GATAD2B: variants seen among roughly 807,000 people sequenced by gnomAD.
GATAD2B encodes the protein transcriptional repressor p66-beta.
GATAD2B carries 8 observed loss-of-function variants against 64.3 expected under a neutral mutation model. That is an observed-to-expected ratio of 0.12 (90% CI 0.07 to 0.22). The LOEUF is 0.22. Among genes scored for constraint, GATAD2B ranks in the 10% least tolerant of loss-of-function variants. The pLI, the probability that GATAD2B is intolerant of heterozygous loss-of-function variation, is 1.00. For synonymous variants in GATAD2B, 281 were observed against 271.3 expected, an observed-to-expected ratio of 1.04 and a Z score of -0.35; for missense variants, 453 against 752.0, an observed-to-expected ratio of 0.60 and a Z score of 4.65.
At chr1:153,886,870 G>C (rs745450190) in intron 1 of GATAD2B, among the ~76,000 whole-genome samples, 2 of 151,864 alleles carry the variant, frequency 1.3e-5, no homozygotes, top group African/African-American at 2.4e-5. Flanking sequence ...AAAAATAGCT[G>C]TTTTTTTAAA....
chr1:153,820,132 T>G (rs1036526771), intron 2 of GATAD2B, among the ~76,000 whole-genome samples: 2 of 150,944 alleles, frequency 1.3e-5, no homozygotes, highest in Non-Finnish European at 2.9e-5. Context: ...GTCTATCCTG[T>G]CAAGAGTAGG....
chr1:153,859,735 TC>T (rs1448630022), intron 1 of GATAD2B, among the ~76,000 whole-genome samples: 2 of 151,722 alleles, frequency 1.3e-5, no homozygotes, highest in Non-Finnish European at 2.9e-5. Context: ...TAATAATATG[TC>T]CTAGTTTGTA....
intron 1 of GATAD2B, among the ~76,000 whole-genome samples, chr1:153,861,793 A>AAAAAAAAAAAAAAAAAAAAAAT (rs1676295078): frequency 1.2e-5 from 1 of 81,864 alleles, no homozygotes; most frequent in African/African-American, 4.0e-5. Flanking sequence ...AAAAAAAAAA[A>AAAAAAAAAAAAAAAAAAAAAAT]AAATATATAT....
chr1:153,854,618 T>C (rs1676017820), intron 1 of GATAD2B, among the ~76,000 whole-genome samples: 2 of 152,218 alleles, frequency 1.3e-5, no homozygotes, highest in Admixed American at 1.3e-4. Context: ...AGTTGTTACA[T>C]TTCATCCAGC....
rs1052312271 is a variant in GATAD2B at position 153,808,409 on chromosome 1, C to G, written c.*1768G>C. On this transcript the variant is annotated 3_prime_UTR_variant, in exon 11 of 11. Transcript: ENST00000368655. ...GCCTGATTTTAGCTCTTTCTCCCAC[C>G]CCACCTCCAAATTTTATGGGGAAGG... The G allele has an allele frequency of 6.6e-5, 10 of 152,558 alleles. No homozygotes were observed. The highest frequency in any genetic ancestry group is 2.4e-4 in the African/African-American group (10 of 41,412). 9.5% of individuals were successfully genotyped at this position (152,558 alleles called of 1,614,324 possible).
At chr1:153,831,265 CGTA>C (rs1318527468) in intron 1 of GATAD2B, among the ~76,000 whole-genome samples, 1 of 152,080 alleles carries the variant, frequency 6.6e-6, no homozygotes, top group African/African-American at 2.4e-5. Context: ...TGTTTTCACT[CGTA>C]AGTGGGAGTT....
In GATAD2B at chr1:153,819,729, T is replaced by C. The variant is rs759165546; in HGVS notation, c.342A>G (p.Pro114=). 1 of 1,599,180 alleles carries C rather than the reference T, an allele frequency of 6.3e-7. No individual in the cohort carries two copies. Among genetic ancestry groups the C allele is most frequent in the East Asian group, 2.3e-5 (1 of 44,428 alleles). ...GTGAGGGAGTTAGCCTTCCTCGCTC[T>C]GGCTCACTAGACAAGAAAGGGAAAA... ...PVDMSARRSE[P]ERGRLTPSPD... Residue 114 remains proline (P), a synonymous_variant, in exon 3 of 11, where the codon CCA becomes CCG. Coordinates refer to ENST00000368655, the MANE Select transcript of GATAD2B (RefSeq NM_020699.4).
At chr1:153,846,557 CTTT>C (rs887230575) in intron 1 of GATAD2B, among the ~76,000 whole-genome samples, 4 of 113,876 alleles carry the variant, frequency 3.5e-5, no homozygotes, top group Non-Finnish European at 3.5e-5. Context: ...TCTTTGCGTT[CTTT>C]TTTTTTTTTT....
chr1:153,900,613 T>G (rs1185234811), intron 1 of GATAD2B, among the ~76,000 whole-genome samples: 1 of 152,098 alleles, frequency 6.6e-6, no homozygotes, highest in Non-Finnish European at 1.5e-5. Flanking sequence ...CCTCTTGGGT[T>G]CAATCAACCC....
rs1674356139 is a variant in GATAD2B at position 153,813,355 on chromosome 1, C to T, written c.1314G>A (p.Lys438=). Residue 438 remains lysine (K), a synonymous_variant, in exon 8 of 11, where the codon AAG becomes AAA. Transcript: ENST00000368655. ...AGGTCATACACTGCTCACATAGAAT[C>T]TTACCATTCTTTTCTTGCTTCCAGT... The part of the protein sequence containing the change: ...TPHWKQEKNG[K]ILCEQCMTSN... The T allele has an allele frequency of 1.9e-6, 3 of 1,613,926 alleles. No individual in the cohort carries two copies. Among genetic ancestry groups the T allele is most frequent in the Non-Finnish European group, 2.5e-6 (3 of 1,179,810 alleles).
intron 1 of GATAD2B, among the ~76,000 whole-genome samples, chr1:153,915,387 C>T (rs1678230912): frequency 6.6e-6 from 1 of 151,886 alleles, no homozygotes; most frequent in Admixed American, 6.6e-5. Context: ...TGCACCATTG[C>T]ACTCCAGCCT....
At chr1:153,867,508 C>G (rs1301332109) in intron 1 of GATAD2B, among the ~76,000 whole-genome samples, 1 of 151,738 alleles carries the variant, frequency 6.6e-6, no homozygotes, top group Non-Finnish European at 1.5e-5. Flanking sequence ...GACCCTGTCT[C>G]TAAATAAATA....
At chr1:153,817,638 T>C in intron 5 of GATAD2B, 96 bp from the exon 6 acceptor site, 1 of 764,352 alleles carries the variant, frequency 1.3e-6, no homozygotes, top group Non-Finnish European at 2.0e-6. Context: ...CTATAATACA[T>C]AGCTAAGTAG....
chr1:153,914,409 G>A (rs1678204547), intron 1 of GATAD2B, among the ~76,000 whole-genome samples: 1 of 152,120 alleles, frequency 6.6e-6, no homozygotes, highest in African/African-American at 2.4e-5. Flanking sequence ...TCATTTCTAA[G>A]CTGAGGAAAC....
chr1:153,892,101 G>T (rs1312967553), intron 1 of GATAD2B, among the ~76,000 whole-genome samples: 1 of 146,820 alleles, frequency 6.8e-6, no homozygotes, highest in African/African-American at 2.5e-5. Context: ...GGAGGCGGAG[G>T]TTGCAGTGAG....
chr1:153,882,073 G>A (rs982948790), intron 1 of GATAD2B, among the ~76,000 whole-genome samples: 6 of 152,008 alleles, frequency 3.9e-5, no homozygotes, highest in Non-Finnish European at 8.8e-5. Flanking sequence ...AGTTGTAGCC[G>A]GTTTATAACC....
At chr1:153,824,357 T>C (rs944462453) in intron 2 of GATAD2B, among the ~76,000 whole-genome samples, 17 of 152,056 alleles carry the variant, frequency 1.1e-4, no homozygotes, top group African/African-American at 3.1e-4. Flanking sequence ...TGGCTAGGTG[T>C]GGTGGCTCAC....
intron 1 of GATAD2B, among the ~76,000 whole-genome samples, chr1:153,835,174 C>T (rs1325838781): frequency 6.6e-6 from 1 of 152,012 alleles, no homozygotes; most frequent in Non-Finnish European, 1.5e-5. Flanking sequence ...TATGGATGAG[C>T]AAAGAAAGTG....
At chr1:153,847,892 C>T (rs757391436) in intron 1 of GATAD2B, among the ~76,000 whole-genome samples, 3 of 152,046 alleles carry the variant, frequency 2.0e-5, no homozygotes, top group East Asian at 1.9e-4. Context: ...ACTTATATAA[C>T]GAGTTAATTT....
Sources: allele counts gnomAD v4.1 joint callset (sites outside exome capture counted in the v4.1 genomes callset), GRCh38; gene constraint gnomAD v4.1.1; transcripts MANE v1.5; gene names NCBI Gene and HGNC (gene_info 2026-07-23, HGNC 2026-07-21).